The following WWOX variants were observed in gnomAD, a reference collection of about 807,000 sequenced individuals.
WWOX encodes the protein WW domain-containing oxidoreductase.
WWOX carries 69 observed loss-of-function variants against 46.2 expected under a neutral mutation model. The observed-to-expected ratio is 1.49, with a 90% CI of 1.23 to 1.82. The LOEUF is 1.82. Among genes scored for constraint, WWOX ranks in the 40% most tolerant of loss-of-function variants. The pLI, the probability that WWOX is intolerant of heterozygous loss-of-function variation, is 0.00. For missense variants in WWOX, 919 were observed against 542.6 expected (o/e 1.69, Z -6.89); for synonymous variants, 359 against 202.6 (o/e 1.77, Z -6.56).
At chr16:79,174,215 G>A (rs1176861978) in intron 8 of WWOX, among the ~76,000 whole-genome samples, 1 of 152,202 alleles carries the variant, frequency 6.6e-6, no homozygotes, top group Non-Finnish European at 1.5e-5. Flanking sequence ...GTTTTCAGTG[G>A]CAAATGCCTC....
intron 8 of WWOX, among the ~76,000 whole-genome samples, chr16:79,112,605 G>A (rs953354460): frequency 1.3e-5 from 2 of 152,040 alleles, no homozygotes; most frequent in Non-Finnish European, 2.9e-5. Flanking sequence ...TTTTCATCTC[G>A]GTTTTATTTC....
At chr16:78,195,835 A>AAG (rs1230260797) in intron 5 of WWOX, among the ~76,000 whole-genome samples, 7 of 150,302 alleles carry the variant, frequency 4.7e-5, no homozygotes, top group Non-Finnish European at 7.4e-5. Context: ...AAAAAAAAAA[A>AAG]AAAAAGAAAA....
At chr16:79,031,272 A>G (rs1862838) in intron 8 of WWOX, among the ~76,000 whole-genome samples, 104,493 of 151,990 alleles carry the variant, frequency 0.69, 36,154 homozygotes, top group East Asian at 0.89. Flanking sequence ...GGGTGCTGAG[A>G]GGTACGTGGT....
intron 8 of WWOX, among the ~76,000 whole-genome samples, chr16:78,564,484 C>G (rs934977155): frequency 1.1e-4 from 17 of 152,150 alleles, no homozygotes; most frequent in African/African-American, 3.4e-4. Flanking sequence ...TCTAGTCTCC[C>G]TCACAAGGAT....
intron 3 of WWOX, among the ~76,000 whole-genome samples, 194 bp from the exon 4 acceptor site, chr16:78,114,782 A>G (rs994494378): frequency 3.9e-5 from 6 of 152,158 alleles, no homozygotes; most frequent in African/African-American, 1.4e-4. Flanking sequence ...GGATTCGATG[A>G]CTATCTTTTT....
intron 6 of WWOX, among the ~76,000 whole-genome samples, chr16:78,422,590 C>G (rs1237284828): frequency 1.4e-5 from 2 of 145,640 alleles, no homozygotes; most frequent in Non-Finnish European, 3.0e-5. Flanking sequence ...AAGTGATTAT[C>G]CTGCCTTAGC....
intron 5 of WWOX, among the ~76,000 whole-genome samples, chr16:78,193,406 CA>C (rs959246577): frequency 3.3e-5 from 5 of 152,032 alleles, no homozygotes; most frequent in Admixed American, 2.0e-4. Context: ...TTGAAAATTT[CA>C]AAAGGGAAAA....
intron 8 of WWOX, among the ~76,000 whole-genome samples, chr16:78,964,799 C>T (rs562618202): frequency 6.6e-6 from 1 of 152,314 alleles, no homozygotes; most frequent in East Asian, 1.9e-4. Flanking sequence ...GGGCCCAGCC[C>T]TGGGTCCCTG....
At chr16:78,681,227 C>G (rs28613685) in intron 8 of WWOX, among the ~76,000 whole-genome samples, 8,952 of 151,976 alleles carry the variant, frequency 0.059, 923 homozygotes, top group African/African-American at 0.2. Flanking sequence ...GGCAACAGAG[C>G]AAGACTGTCT....
At chr16:78,590,166 T>TC (rs879699302) in intron 8 of WWOX, among the ~76,000 whole-genome samples, 8,229 of 39,308 alleles carry the variant, frequency 0.21, 258 homozygotes, top group South Asian at 0.4. Flanking sequence ...CTCTCTCTGT[T>TC]TATTATAGAT....
At chr16:78,487,552 C>T (rs889938487) in intron 8 of WWOX, among the ~76,000 whole-genome samples, 1 of 152,158 alleles carries the variant, frequency 6.6e-6, no homozygotes, top group Non-Finnish European at 1.5e-5. Flanking sequence ...CAGATGCTTC[C>T]TCTGGTTCAG....
intron 8 of WWOX, among the ~76,000 whole-genome samples, chr16:78,570,786 T>A (rs1248390569): frequency 1.3e-5 from 2 of 152,112 alleles, no homozygotes; most frequent in Non-Finnish European, 2.9e-5. Context: ...CGATACATTT[T>A]CAGAAACAAA....
intron 8 of WWOX, among the ~76,000 whole-genome samples, chr16:78,928,395 G>A (rs2045549014): frequency 6.6e-6 from 1 of 151,570 alleles, no homozygotes; most frequent in African/African-American, 2.4e-5. Context: ...GTAGAGACGG[G>A]GTTTCACCGT....
chr16:79,006,791 C>T (rs1330519773), intron 8 of WWOX, among the ~76,000 whole-genome samples: 1 of 152,082 alleles, frequency 6.6e-6, no homozygotes. Context: ...CCCTTTCCTC[C>T]ATCTTCAAAG....
At chr16:78,796,402 G>A (rs148183776) in intron 8 of WWOX, among the ~76,000 whole-genome samples, 130 of 152,324 alleles carry the variant, frequency 8.5e-4, no homozygotes, top group African/African-American at 2.6e-3. Flanking sequence ...AAGCCTGGAA[G>A]CAGTGAGGTC....
intron 6 of WWOX, among the ~76,000 whole-genome samples, chr16:78,421,638 G>A (rs922653364): frequency 6.6e-6 from 1 of 152,134 alleles, no homozygotes; most frequent in Admixed American, 6.5e-5. Context: ...TAAAGCAGTG[G>A]CATATGAAAA....
At chr16:78,141,658 C>T (rs2033992725) in intron 4 of WWOX, among the ~76,000 whole-genome samples, 1 of 152,060 alleles carries the variant, frequency 6.6e-6, no homozygotes, top group South Asian at 2.1e-4. Flanking sequence ...AATACACATA[C>T]TTGCTTTAGA....
intron 8 of WWOX, among the ~76,000 whole-genome samples, chr16:79,098,722 G>GT (rs2049128971): frequency 1.3e-5 from 2 of 152,222 alleles, no homozygotes; most frequent in Non-Finnish European, 2.9e-5. Flanking sequence ...ACATAAATGA[G>GT]TAGAGGCAGG....
chr16:78,679,881 C>G (rs913989223), intron 8 of WWOX, among the ~76,000 whole-genome samples: 2 of 152,194 alleles, frequency 1.3e-5, no homozygotes, highest in Non-Finnish European at 2.9e-5. Flanking sequence ...CTTAGGTGGG[C>G]TCTGAGCAGC....
Sources: allele counts gnomAD v4.1 joint callset (sites outside exome capture counted in the v4.1 genomes callset), GRCh38; gene constraint gnomAD v4.1.1; transcripts MANE v1.5; gene names NCBI Gene and HGNC (gene_info 2026-07-23, HGNC 2026-07-21).